The following SMAD2 variants were observed in gnomAD, a reference collection of about 807,000 sequenced individuals.
The protein encoded by SMAD2 is SMAD family member 2.
A neutral mutation model predicts 64.4 loss-of-function variants in SMAD2; 8 were observed. The ratio of observed to expected loss-of-function variants is 0.12; its 90% CI spans 0.07 to 0.22. SMAD2 has a LOEUF of 0.22. SMAD2 is among the 10% of genes least tolerant of loss of function. The probability of loss-of-function intolerance (pLI) is 1.00; values close to 1 mark genes in which losing one functional copy is unlikely to be tolerated. For missense variants in SMAD2, 289 were observed against 561.2 expected (o/e 0.51, Z 4.90); for synonymous variants, 203 against 195.8 (o/e 1.04, Z -0.31).
intron 6 of SMAD2, among the ~76,000 whole-genome samples, 182 bp from the exon 7 acceptor site, chr18:47,851,509 AG>A (rs1312541459): frequency 8.0e-6 from 1 of 125,236 alleles, no homozygotes; most frequent in East Asian, 3.0e-4. Context: ...GGGGAAGAGA[AG>A]GGGGGGTTCC....
intron 2 of SMAD2, among the ~76,000 whole-genome samples, chr18:47,890,077 G>C (rs1425560166): frequency 6.6e-6 from 1 of 152,154 alleles, no homozygotes; most frequent in Non-Finnish European, 1.5e-5. Context: ...ATATACACAA[G>C]GGACTTTGAA....
At position 47,870,458 on chromosome 18, in the gene SMAD2, G is replaced by A; in HGVS notation, c.326+17C>T. On this transcript the variant is annotated intron_variant, in intron 3 of 10. Transcript: ENST00000262160. ...CCCACAAGATCTCTAAGATTCGACA[G>A]AGGGCAGAATATTCACCTGGTTTGT... 1 of 1,576,432 alleles carries A rather than the reference G, an allele frequency of 6.3e-7. No homozygotes were observed. The highest frequency in any genetic ancestry group is 8.7e-7 in the Non-Finnish European group (1 of 1,145,772).
rs1237400140 is a variant in SMAD2 at position 47,845,791 on chromosome 18, A to G, written c.1007T>C (p.Val336Ala). ...EMTRRHIGRG[V>A]RLYYIGGEVF... is the part of the protein sequence containing the mutation. ...TTCCCCACCTATGTAGTATAAGCGCACTCCTCTTCCTGAAACAAAATACAA... is the reference window on the plus strand; with the variant it reads ...TTCCCCACCTATGTAGTATAAGCGCGCTCCTCTTCCTGAAACAAAATACAA... Residue 336 changes from valine to alanine, a missense_variant, in exon 9 of 11, where the codon GTG (valine) becomes GCG (alanine). By Grantham distance (64) the Val-to-Ala change is moderately conservative (BLOSUM62 0). This residue lies in a region of SMAD2 where 49 missense variants were observed against 101.1 expected (regional missense o/e 0.48). Coordinates refer to ENST00000262160, the MANE Select transcript of SMAD2 (RefSeq NM_005901.6). 1.2e-6 allele frequency: 2 copies of G among 1,613,350 alleles called. No individual in the cohort carries two copies. The highest frequency in any genetic ancestry group is 1.7e-6 in the Non-Finnish European group (2 of 1,179,628).
chr18:47,895,092 A>G (rs996426666), intron 2 of SMAD2, among the ~76,000 whole-genome samples: 1 of 152,174 alleles, frequency 6.6e-6, no homozygotes, highest in Non-Finnish European at 1.5e-5. Flanking sequence ...ATCTTTGTAA[A>G]AATATGTAAG....
chr18:47,895,262 C>T (rs1028933247), intron 2 of SMAD2: 3 of 152,232 alleles, frequency 2.0e-5, no homozygotes, highest in African/African-American at 7.2e-5. Flanking sequence ...ATACAAGAAG[C>T]TCACCTCAGT....
At chr18:47,845,268 C>A in intron 10 of SMAD2, 72 bp downstream of exon 10, 1 of 1,399,564 alleles carries the variant, frequency 7.1e-7, no homozygotes, top group Non-Finnish European at 1.0e-6. Flanking sequence ...CAAATGAACT[C>A]CAGAATATGC....
At chr18:47,913,511 C>T (rs972637435) in intron 1 of SMAD2, among the ~76,000 whole-genome samples, 1 of 152,128 alleles carries the variant, frequency 6.6e-6, no homozygotes, top group African/African-American at 2.4e-5. Flanking sequence ...TGACATCTGT[C>T]TAATATCTCC....
intron 10 of SMAD2, among the ~76,000 whole-genome samples, chr18:47,842,872 G>A (rs781746072): frequency 6.6e-6 from 1 of 152,130 alleles, no homozygotes; most frequent in Non-Finnish European, 1.5e-5. Context: ...ATGACATCCT[G>A]TCACTTCCAT....
Position 47,830,576 on chromosome 18 carries a change from C to CAAAAAAAAAAAAAAAAAAAAAAAAAAAAA in SMAD2, c.*11250_*11251insTTTTTTTTTTTTTTTTTTTTTTTTTTTTT, listed in dbSNP as rs5824708. 9 of 125,412 alleles carry CAAAAAAAAAAAAAAAAAAAAAAAAAAAAA rather than the reference C, an allele frequency of 7.2e-5. No homozygotes were observed. The highest frequency in any genetic ancestry group is 2.6e-4 in the African/African-American group (8 of 31,130). 7.8% of individuals were successfully genotyped at this position (125,412 alleles called of 1,614,324 possible). The stretch of plus-strand genomic sequence containing the variant: ...GGGCAACAGAGCAAGACTCTGTCTC[C>CAAAAAAAAAAAAAAAAAAAAAAAAAAAAA]AAAAAAAAAAAAAAAAAATTCGTTT... On this transcript the variant is annotated 3_prime_UTR_variant, in exon 11 of 11. Coordinates refer to ENST00000262160, the MANE Select transcript of SMAD2 (RefSeq NM_005901.6).
Position 47,851,293 on chromosome 18 carries a change from G to A in SMAD2, c.765C>T (p.Ser255=), listed in dbSNP as rs1209278253. 3 of 1,609,288 alleles carry A rather than the reference G, an allele frequency of 1.9e-6. No homozygotes were observed. The highest frequency in any genetic ancestry group is 2.6e-6 in the Non-Finnish European group (3 of 1,176,356). Residue 255 remains serine, a synonymous_variant, in exon 7 of 11, where the codon TCC becomes TCT. Transcript: ENST00000262160. ...SPAELSPTTL[S]PVNHSLDLQP... is the part of the protein sequence containing the mutation. Reference sequence around the variant, plus strand: ...ACTTACCCAAGCTATGATTAACAGGGGAAAGAGTAGTAGGAGATAGTTCTG... The same window carrying A: ...ACTTACCCAAGCTATGATTAACAGGAGAAAGAGTAGTAGGAGATAGTTCTG...
rs2031460819 is a variant in SMAD2, at chr18:47,865,071, T to G, written c.718A>C (p.Ser240Arg). The change falls in exon 6 of 11, where the codon AGT becomes CGT. Residue 240 changes from serine (S) to arginine (R), a missense_variant. By Grantham distance (110) the Ser-to-Arg change is moderately radical. This residue lies in a region of SMAD2 where 119 missense variants were observed against 156.7 expected (regional missense o/e 0.76). Coordinates refer to ENST00000262160, the MANE Select transcript of SMAD2 (RefSeq NM_005901.6). ...ACATTTTTTTTACCTGTGTCCATAC[T>G]TTGATTCAACTGTTGGTCACTTGTT... ...GETSDQQLNQSMDTGSPAELS... is the reference protein window; with the variant it reads ...GETSDQQLNQRMDTGSPAELS... 1 of 1,599,970 alleles carries G rather than the reference T, an allele frequency of 6.3e-7. No homozygotes were observed. The highest frequency in any genetic ancestry group is 1.3e-5 in the African/African-American group (1 of 74,636).
intron 2 of SMAD2, among the ~76,000 whole-genome samples, chr18:47,887,396 T>A (rs1429387741): frequency 6.6e-6 from 1 of 152,140 alleles, no homozygotes; most frequent in Non-Finnish European, 1.5e-5. Flanking sequence ...AGGGGCACGA[T>A]CTTAAGTGGC....
At chr18:47,908,794 T>C (rs1271203139) in intron 1 of SMAD2, among the ~76,000 whole-genome samples, 1 of 152,210 alleles carries the variant, frequency 6.6e-6, no homozygotes, top group African/African-American at 2.4e-5. Context: ...GCATGAGCAG[T>C]TCTTCTCTCC....
intron 2 of SMAD2, among the ~76,000 whole-genome samples, chr18:47,887,686 T>C (rs915663111): frequency 2.0e-5 from 3 of 152,210 alleles, no homozygotes; most frequent in South Asian, 2.1e-4. Context: ...CCCACTCCCA[T>C]TGTGCCCTTT....
At chr18:47,867,321 ATCTT>A (rs1373484483) in intron 5 of SMAD2, 1 of 152,196 alleles carries the variant, frequency 6.6e-6, no homozygotes, top group Non-Finnish European at 1.5e-5. Flanking sequence ...AAAAAAACTT[ATCTT>A]TCTTAGTTAT....
At chr18:47,856,896 C>T (rs535558129) in intron 6 of SMAD2, among the ~76,000 whole-genome samples, 12 of 126,962 alleles carry the variant, frequency 9.5e-5, no homozygotes, top group African/African-American at 1.8e-4. Flanking sequence ...CTCGCTCTGT[C>T]GCCCAGGCTG....
intron 1 of SMAD2, among the ~76,000 whole-genome samples, chr18:47,924,165 T>A (rs891868212): frequency 2.0e-5 from 3 of 150,914 alleles, no homozygotes; most frequent in Non-Finnish European, 4.4e-5. Context: ...GGAGAACTGC[T>A]TGAACCTAGG....
chr18:47,841,513 A>G lies in SMAD2; in HGVS notation c.*314T>C. 2.2e-6 allele frequency: 1 copy of G among 451,922 alleles called. No homozygotes were observed. The highest frequency in any genetic ancestry group is 2.3e-5 in the South Asian group (1 of 44,368). The allele number at this position is 451,922 out of a possible 1,614,324, so 28.0% of individuals were successfully genotyped here. A position where few individuals can be genotyped will look rare whatever the true frequency, so the allele number is the denominator to read the frequency against. On this transcript the variant is annotated 3_prime_UTR_variant, in exon 11 of 11. Coordinates refer to ENST00000262160, the MANE Select transcript of SMAD2 (RefSeq NM_005901.6). ...ATACTGTGATACTGGATCATGATAC[A>G]TTACCTGTACACATAACTACTACTG...
intron 1 of SMAD2, among the ~76,000 whole-genome samples, chr18:47,905,938 C>T (rs2033883828): frequency 6.6e-6 from 1 of 151,806 alleles, no homozygotes; most frequent in Non-Finnish European, 1.5e-5. Flanking sequence ...ATGGCAAGAC[C>T]CCATCTCTAC....
Sources: allele counts gnomAD v4.1 joint callset (sites outside exome capture counted in the v4.1 genomes callset), GRCh38; gene constraint gnomAD v4.1.1; regional missense constraint gnomAD v4.1.1; transcripts MANE v1.5; gene names NCBI Gene and HGNC (gene_info 2026-07-23, HGNC 2026-07-21).